Variants in USP7 observed in about 807,000 individuals in gnomAD.
USP7 encodes the protein ubiquitin C-terminal hydrolase 7.
In USP7, 9 loss-of-function variants were observed where a neutral mutation model predicts 162.9. The ratio of observed to expected loss-of-function variants is 0.06; its 90% CI spans 0.03 to 0.10. The LOEUF (loss-of-function observed/expected upper bound fraction) is 0.10, where lower values mean the gene tolerates loss of function less well. USP7 is among the 10% of genes least tolerant of loss of function. The pLI is 1.00. For synonymous variants in USP7, 562 were observed against 475.9 expected, an observed-to-expected ratio of 1.18 and a Z score of -2.35; for missense variants, 715 against 1,373.7, an observed-to-expected ratio of 0.52 and a Z score of 7.58.
rs559423654 is a variant in USP7, at chr16:8,943,975, A to G, written c.80-13578T>C. Among the ~76,000 whole-genome samples the G allele has an allele frequency of 5.9e-5, 9 of 152,328 alleles. No individual in the cohort carries two copies. In the East Asian group the frequency reaches 7.7e-4, roughly 13 times the overall value. ...AATAATTGGGTTTTAAAGCAAAACT[A>G]TAAGGTGCGGGGGAGGCAGTATACA... is the stretch of plus-strand genomic sequence containing the variant. On this transcript the variant is annotated intron_variant, in intron 1 of 30. Coordinates refer to ENST00000344836, the MANE Select transcript of USP7 (RefSeq NM_003470.3).
chr16:8,914,127 T>C (rs560968075), intron 10 of USP7, among the ~76,000 whole-genome samples: 1 of 152,200 alleles, frequency 6.6e-6, no homozygotes, highest in East Asian at 1.9e-4. Context: ...TGTTAAAGTA[T>C]TTAAACAAGC....
Position 8,896,305 on chromosome 16 carries a change from A to T in USP7, c.2820-564T>A, listed in dbSNP as rs1402739144. On this transcript the variant is annotated intron_variant, in intron 26 of 30. Coordinates refer to ENST00000344836, the MANE Select transcript of USP7 (RefSeq NM_003470.3). ...GAGATGTACAGACTGGGCCTCCGAA[A>T]GTTGCATAAACCTTTCCCACAAGGA... Among the ~76,000 whole-genome samples, 4 of 152,300 alleles carry T rather than the reference A, an allele frequency of 2.6e-5. No individual in the cohort carries two copies. In the East Asian group the frequency reaches 7.7e-4, roughly 29 times the overall value.
intron 8 of USP7, among the ~76,000 whole-genome samples, chr16:8,916,089 G>A (rs772428972): frequency 2.6e-4 from 40 of 152,268 alleles, no homozygotes; most frequent in Non-Finnish European, 4.9e-4. Context: ...AGTAATCACC[G>A]CATGCTGAGG....
At chr16:8,946,212 C>T (rs1899267733) in intron 1 of USP7, among the ~76,000 whole-genome samples, 1 of 152,136 alleles carries the variant, frequency 6.6e-6, no homozygotes, top group Admixed American at 6.6e-5. Flanking sequence ...CACAGGAAAA[C>T]ATCTGTCATG....
chr16:8,906,631 AT>A (rs748848436), intron 12 of USP7, 49 bp from the exon 13 acceptor site: 286 of 1,564,876 alleles, frequency 1.8e-4, no homozygotes, highest in Non-Finnish European at 2.4e-4. Context: ...TACACAAAAA[AT>A]ATCACACTTT....
At chr16:8,947,449 A>T (rs1899338714) in intron 1 of USP7, among the ~76,000 whole-genome samples, 1 of 151,982 alleles carries the variant, frequency 6.6e-6, no homozygotes, top group South Asian at 2.1e-4. Flanking sequence ...CCCAGGTTCA[A>T]GCAACTATCC....
chr16:8,942,483 A>G (rs1899092682), intron 1 of USP7, among the ~76,000 whole-genome samples: 1 of 152,164 alleles, frequency 6.6e-6, no homozygotes, highest in African/African-American at 2.4e-5. Context: ...ATCCCTGTGT[A>G]CTCTAAAACG....
chr16:8,911,964 T>C (rs766848566), intron 10 of USP7, among the ~76,000 whole-genome samples: 3 of 152,078 alleles, frequency 2.0e-5, no homozygotes, highest in Non-Finnish European at 2.9e-5. Context: ...AGCTAACAAC[T>C]GAAAGGATGT....
At chr16:8,926,276 G>C (rs937281320) in intron 2 of USP7, among the ~76,000 whole-genome samples, 6 of 152,104 alleles carry the variant, frequency 3.9e-5, no homozygotes, top group East Asian at 1.9e-4. Context: ...TCAGGAGTTT[G>C]AGACCAGCCT....
In USP7 at chr16:8,919,233, G is replaced by T. The variant is rs894527768; in HGVS notation, c.612-94C>A. On this transcript the variant is annotated intron_variant, in intron 5 of 30. Transcript: ENST00000344836. ...AATCTGACTCAAGGTCAGCCTTAAG[G>T]AAACCGAGGCCAGGAACACTTATCA... The T allele has an allele frequency of 2.4e-6, 3 of 1,238,156 alleles. No homozygotes were observed. In the African/African-American group the frequency reaches 4.5e-5, roughly 18 times the overall value. 76.7% of individuals were successfully genotyped at this position (1,238,156 alleles called of 1,614,324 possible).
chr16:8,913,381 A>T (rs1461550337), intron 10 of USP7, among the ~76,000 whole-genome samples: 1 of 152,012 alleles, frequency 6.6e-6, no homozygotes, highest in African/African-American at 2.4e-5. Flanking sequence ...GAGGGAAGAC[A>T]GGAGAGAAGA....
Position 8,957,765 on chromosome 16 carries a change from A to T in USP7, c.79+5442T>A, listed in dbSNP as rs941452187. Among the ~76,000 whole-genome samples the T allele has an allele frequency of 2.9e-3, 212 of 72,378 alleles. 5 individuals are homozygous for T. The East Asian group carries it at 0.039, about 13-fold the overall frequency. The allele number at this position is 72,378 out of a possible 152,430, so 47.5% of individuals were successfully genotyped here. ...GAGCAAGACCCTGTCTCTTAAATTA[A>T]AAAAAAAACAAAAAAAAATTAAAAA... On this transcript the variant is annotated intron_variant, in intron 1 of 30. Transcript: ENST00000344836.
In USP7 at chr16:8,900,904, T is replaced by C. The variant is rs77217719; in HGVS notation, c.2208+86A>G. ...GAGTTAGCTGGTAGACCTAACACTG[T>C]AACAAATTCGGGGTAAAAAGAACAA... On this transcript the variant is annotated intron_variant, in intron 20 of 30. Transcript: ENST00000344836. The C allele has an allele frequency of 8.0e-4, 1,111 of 1,388,914 alleles. 7 individuals carry two copies. In the African/African-American group the frequency reaches 0.014, roughly 18 times the overall value. 86.0% of individuals were successfully genotyped at this position (1,388,914 alleles called of 1,614,324 possible).
chr16:8,910,002 G>C (rs556712767), intron 11 of USP7, among the ~76,000 whole-genome samples: 1 of 152,300 alleles, frequency 6.6e-6, no homozygotes, highest in South Asian at 2.1e-4. Flanking sequence ...GAGTACATTT[G>C]GAGCTGACAG....
At chr16:8,937,518 G>C (rs1898817512) in intron 1 of USP7, among the ~76,000 whole-genome samples, 1 of 152,188 alleles carries the variant, frequency 6.6e-6, no homozygotes, top group Middle Eastern at 3.4e-3. Context: ...CTCCAGCCTG[G>C]GTGACAGAGT....
At chr16:8,954,945 C>G (rs953682848) in intron 1 of USP7, among the ~76,000 whole-genome samples, 1 of 152,056 alleles carries the variant, frequency 6.6e-6, no homozygotes, top group Non-Finnish European at 1.5e-5. Context: ...GACAACAGAG[C>G]GAGACTCCAT....
intron 10 of USP7, among the ~76,000 whole-genome samples, chr16:8,913,148 G>T (rs1202957938): frequency 6.6e-6 from 1 of 152,174 alleles, no homozygotes; most frequent in Admixed American, 6.5e-5. Flanking sequence ...CTGAGGTCAG[G>T]AACTCGAGAC....
chr16:8,960,875 G>C (rs1030727626), intron 1 of USP7, among the ~76,000 whole-genome samples: 3 of 152,106 alleles, frequency 2.0e-5, no homozygotes, highest in African/African-American at 7.2e-5. Flanking sequence ...CACACCAGTG[G>C]GTACTCACAG....
At chr16:8,945,973 C>G (rs1899256254) in intron 1 of USP7, among the ~76,000 whole-genome samples, 1 of 152,118 alleles carries the variant, frequency 6.6e-6, no homozygotes, top group South Asian at 2.1e-4. Flanking sequence ...CAAGACAGCA[C>G]TGCTGGCAAA....
Sources: allele counts gnomAD v4.1 joint callset (sites outside exome capture counted in the v4.1 genomes callset), GRCh38; gene constraint gnomAD v4.1.1; transcripts MANE v1.5; gene names NCBI Gene and HGNC (gene_info 2026-07-23, HGNC 2026-07-21).